Variants in RABGAP1L observed in about 807,000 individuals in gnomAD.
RABGAP1L encodes rab GTPase-activating protein 1-like.
In RABGAP1L, 63 loss-of-function variants were observed where a neutral mutation model predicts 137.7. The ratio of observed to expected loss-of-function variants is 0.46; its 90% confidence interval spans 0.37 to 0.56. RABGAP1L has a LOEUF of 0.56. Among genes scored for constraint, RABGAP1L ranks in the 20% least tolerant of loss-of-function variants. The pLI, the probability that RABGAP1L is intolerant of heterozygous loss-of-function variation, is 0.00. For missense variants in RABGAP1L, 1,095 were observed against 1,244.0 expected (o/e 0.88, Z 1.80); for synonymous variants, 431 against 433.7 (o/e 0.99, Z 0.08).
At chr1:174,813,530 G>A (rs917971968) in intron 19 of RABGAP1L, among the ~76,000 whole-genome samples, 2 of 152,154 alleles carry the variant, frequency 1.3e-5, no homozygotes, top group South Asian at 2.1e-4. Flanking sequence ...AATTATAAAT[G>A]TTAAAAAGTA....
intron 10 of RABGAP1L, among the ~76,000 whole-genome samples, chr1:174,291,268 A>AT (rs79457080): frequency 3.8e-4 from 58 of 151,150 alleles, no homozygotes; most frequent in African/African-American, 1.3e-3. Flanking sequence ...AATTACATTG[A>AT]TTTTTTTTAA....
intron 7 of RABGAP1L, 26 bp downstream of exon 7, chr1:174,252,616 C>T (rs958386739): frequency 1.9e-6 from 3 of 1,597,254 alleles, no homozygotes; most frequent in Admixed American, 1.8e-5. Flanking sequence ...CTAAATGCTA[C>T]CAAAAACTTG....
chr1:174,261,869 A>C (rs1223642743), intron 7 of RABGAP1L, among the ~76,000 whole-genome samples: 2 of 152,178 alleles, frequency 1.3e-5, no homozygotes, highest in Non-Finnish European at 2.9e-5. Context: ...CTTTTACAGC[A>C]AAATAAAGAA....
chr1:174,720,935 A>G (rs1176435989), intron 17 of RABGAP1L, among the ~76,000 whole-genome samples: 2 of 152,242 alleles, frequency 1.3e-5, no homozygotes, highest in Non-Finnish European at 2.9e-5. Flanking sequence ...ATCTCAATGT[A>G]ACAAAATAAC....
chr1:174,564,833 T>C (rs1471219777), intron 13 of RABGAP1L, among the ~76,000 whole-genome samples: 1 of 152,176 alleles, frequency 6.6e-6, no homozygotes, highest in Non-Finnish European at 1.5e-5. Flanking sequence ...GAAAATTGTT[T>C]TAAAAGTAGT....
chr1:174,887,662 C>G (rs1433119973), intron 19 of RABGAP1L, among the ~76,000 whole-genome samples: 1 of 151,690 alleles, frequency 6.6e-6, no homozygotes, highest in African/African-American at 2.4e-5. Context: ...TCCATGGACC[C>G]CTTATCAGAA....
At chr1:174,811,480 A>T (rs779105676) in intron 18 of RABGAP1L, among the ~76,000 whole-genome samples, 2 of 152,194 alleles carry the variant, frequency 1.3e-5, no homozygotes, top group African/African-American at 2.4e-5. Flanking sequence ...GAAGTCACAG[A>T]TTAGTCCTAG....
At chr1:174,674,595 A>G (rs1165591007) in intron 14 of RABGAP1L, among the ~76,000 whole-genome samples, 1 of 151,250 alleles carries the variant, frequency 6.6e-6, no homozygotes, top group Non-Finnish European at 1.5e-5. Context: ...TCATTTGGGT[A>G]TATACCCAGT....
chr1:174,392,727 G>C (rs1343461929), intron 12 of RABGAP1L, among the ~76,000 whole-genome samples: 3 of 152,186 alleles, frequency 2.0e-5, no homozygotes, highest in Non-Finnish European at 2.9e-5. Context: ...GTTTGAGCTA[G>C]AGGTAGAAGA....
chr1:174,417,228 G>A (rs1020507779), intron 13 of RABGAP1L, among the ~76,000 whole-genome samples: 1 of 152,060 alleles, frequency 6.6e-6, no homozygotes, highest in African/African-American at 2.4e-5. Context: ...CACATAATAC[G>A]TATACTCTGA....
chr1:174,616,519 G>T (rs1015091314), intron 13 of RABGAP1L, among the ~76,000 whole-genome samples: 4 of 152,128 alleles, frequency 2.6e-5, no homozygotes, highest in African/African-American at 9.7e-5. Context: ...ATTGGTCATG[G>T]TCGACCTAGA....
At chr1:174,648,619 A>G (rs1171962367) in intron 14 of RABGAP1L, among the ~76,000 whole-genome samples, 1 of 152,076 alleles carries the variant, frequency 6.6e-6, no homozygotes, top group Non-Finnish European at 1.5e-5. Flanking sequence ...TTTACTTCCA[A>G]TTTTGTGGTC....
chr1:174,481,279 CTTCA>C (rs1659060936), intron 13 of RABGAP1L, among the ~76,000 whole-genome samples: 1 of 152,208 alleles, frequency 6.6e-6, no homozygotes, highest in Non-Finnish European at 1.5e-5. Flanking sequence ...CTTTGTGTTC[CTTCA>C]TCTATGCCAC....
chr1:174,733,581 C>T (rs1682689427), intron 17 of RABGAP1L, among the ~76,000 whole-genome samples: 1 of 152,230 alleles, frequency 6.6e-6, no homozygotes, highest in African/African-American at 2.4e-5. Flanking sequence ...CCCCTGTCCC[C>T]TAAATATCCC....
intron 23 of RABGAP1L, among the ~76,000 whole-genome samples, chr1:174,980,000 T>C (rs1670956847): frequency 6.6e-6 from 1 of 152,252 alleles, no homozygotes; most frequent in Non-Finnish European, 1.5e-5. Flanking sequence ...TTTTTGCTTA[T>C]AAATTAAATT....
intron 19 of RABGAP1L, chr1:174,935,284 CT>C (rs1163647786): frequency 2.0e-5 from 3 of 152,090 alleles, no homozygotes; most frequent in Non-Finnish European, 2.9e-5. Flanking sequence ...TTGTAAATAT[CT>C]TTGAGTTCTG....
intron 11 of RABGAP1L, among the ~76,000 whole-genome samples, chr1:174,331,523 G>A (rs1221664095): frequency 1.3e-5 from 2 of 152,260 alleles, no homozygotes; most frequent in East Asian, 3.9e-4. Context: ...TAGTCAACAG[G>A]TTTATGATAA....
At chr1:174,948,497 G>A (rs1377882006) in intron 19 of RABGAP1L, among the ~76,000 whole-genome samples, 2 of 126,510 alleles carry the variant, frequency 1.6e-5, no homozygotes, top group Non-Finnish European at 3.1e-5. Flanking sequence ...GCCACAGAGC[G>A]AGACCCTGCC....
At chr1:174,445,900 G>A (rs1014570328) in intron 13 of RABGAP1L, among the ~76,000 whole-genome samples, 1 of 152,072 alleles carries the variant, frequency 6.6e-6, no homozygotes, top group African/African-American at 2.4e-5. Context: ...TATAAAGATC[G>A]GTCAGTTCCA....
Sources: gnomAD v4.1 joint callset for allele counts (sites outside exome capture counted in the v4.1 genomes callset) on GRCh38, gnomAD v4.1.1 for gene constraint, MANE v1.5 for transcripts, NCBI Gene and HGNC (gene_info 2026-07-23, HGNC 2026-07-21) for gene names.